The following PMEPA1 variants were observed in gnomAD, a reference collection of about 807,000 sequenced individuals.
PMEPA1 encodes protein TMEPAI.
PMEPA1 carries 11 observed loss-of-function variants against 23.0 expected under a neutral mutation model. That is an observed-to-expected ratio of 0.48 (90% confidence interval 0.30 to 0.79). The LOEUF (loss-of-function observed/expected upper bound fraction) is 0.79. Ranked by LOEUF, PMEPA1 falls within the 30% of genes least tolerant of loss-of-function variation. The probability of loss-of-function intolerance (pLI) is 0.06; values close to 1 mark genes in which losing one functional copy is unlikely to be tolerated. For synonymous variants in PMEPA1, 204 were observed against 166.4 expected (o/e 1.23, Z -1.74); for missense variants, 377 against 390.9 (o/e 0.96, Z 0.30).
At chr20:57,664,284 C>G (rs1218889790) in intron 1 of PMEPA1, among the ~76,000 whole-genome samples, 1 of 152,212 alleles carries the variant, frequency 6.6e-6, no homozygotes. Context: ...CCCACACCAC[C>G]CCAGGGATGC....
At chr20:57,666,139 T>C (rs1266517494) in intron 1 of PMEPA1, among the ~76,000 whole-genome samples, 2 of 152,124 alleles carry the variant, frequency 1.3e-5, no homozygotes, top group Non-Finnish European at 2.9e-5. Context: ...TCTAATTTAA[T>C]TTAGTGTCCT....
intron 1 of PMEPA1, among the ~76,000 whole-genome samples, chr20:57,692,533 A>AG (rs3838933): frequency 0.37 from 55,711 of 152,210 alleles, 11,858 homozygotes; most frequent in Non-Finnish European, 0.48. Context: ...GCTCCTTCCA[A>AG]GGGCCCAGGT....
At chr20:57,708,203 CG>C (rs1473097559) in intron 1 of PMEPA1, among the ~76,000 whole-genome samples, 4 of 152,360 alleles carry the variant, frequency 2.6e-5, no homozygotes, top group South Asian at 4.1e-4. Context: ...CATTCCACAG[CG>C]GCTGCTTCTC....
At chr20:57,672,806 G>A (rs1343251702) in intron 1 of PMEPA1, among the ~76,000 whole-genome samples, 1 of 152,166 alleles carries the variant, frequency 6.6e-6, no homozygotes, top group Non-Finnish European at 1.5e-5. Flanking sequence ...CGGTTAAAAG[G>A]AATCCTGGCG....
Position 57,651,956 on chromosome 20 carries a change from T to G in PMEPA1, c.*97A>C. On this transcript the variant is annotated 3_prime_UTR_variant, in exon 4 of 4. Coordinates refer to ENST00000341744, the MANE Select transcript of PMEPA1 (RefSeq NM_020182.5). ...GGGAGGGGAGGGCCACACGATGCGT[T>G]GCTGCGCCCCCCGCCTTCCTCTCAC... is the stretch of plus-strand genomic sequence containing the variant. 1 of 1,048,552 alleles carries G rather than the reference T, an allele frequency of 9.5e-7. No individual in the cohort carries two copies. Among genetic ancestry groups the G allele is most frequent in the East Asian group, 2.7e-5 (1 of 36,428 alleles). The allele number at this position is 1,048,552 out of a possible 1,614,324, so 65.0% of individuals were successfully genotyped here. A position where few individuals can be genotyped will look rare whatever the true frequency, so the allele number is the denominator to read the frequency against.
At chr20:57,710,630 G>A (rs1052572336), upstream of PMEPA1, 31 of 642,284 alleles carry the variant, frequency 4.8e-5, no homozygotes, top group Non-Finnish European at 7.3e-5. Flanking sequence ...TAGCTGTCGG[G>A]GACTGGTGTA....
intron 1 of PMEPA1, among the ~76,000 whole-genome samples, chr20:57,660,772 A>G (rs2146648536): frequency 6.7e-6 from 1 of 148,596 alleles, no homozygotes; most frequent in East Asian, 2.0e-4. Context: ...TCCACACACA[A>G]CACCCCAACA....
chr20:57,708,555 T>C (rs766504079), intron 1 of PMEPA1, among the ~76,000 whole-genome samples: 1 of 152,306 alleles, frequency 6.6e-6, no homozygotes, highest in South Asian at 2.1e-4. Context: ...TGATCCCTTA[T>C]TTAGGGCCAG....
In PMEPA1 at chr20:57,690,726, C is replaced by T. The variant is rs547343132; in HGVS notation, c.109+18748G>A. ...CTTCTTCTGAGTTTTGTAAGTGACACGCCCAGCCGACCCCCACCTGCCGGA... is the reference window on the plus strand; with the variant it reads ...CTTCTTCTGAGTTTTGTAAGTGACATGCCCAGCCGACCCCCACCTGCCGGA... On this transcript the variant is annotated intron_variant, in intron 1 of 3. Coordinates refer to ENST00000341744, the MANE Select transcript of PMEPA1 (RefSeq NM_020182.5). The T allele has an allele frequency of 4.1e-4, 178 of 438,284 alleles. 1 individual carries two copies. Among genetic ancestry groups the T allele is most frequent in the South Asian group, 3.6e-3 (132 of 36,436 alleles). 27.1% of individuals were successfully genotyped at this position (438,284 alleles called of 1,614,324 possible).
chr20:57,667,710 A>G lies in PMEPA1; in HGVS notation c.110-8013T>C, dbSNP rs1048949620. On this transcript the variant is annotated intron_variant, in intron 1 of 3. Transcript: ENST00000341744. Reference sequence around the variant, plus strand: ...AAATTTATGAAAATCTAATCTTGTTAGGCCTGCCTGGATGAGACCCGCCTG... The same window carrying G: ...AAATTTATGAAAATCTAATCTTGTTGGGCCTGCCTGGATGAGACCCGCCTG... Among the ~76,000 whole-genome samples the G allele has an allele frequency of 3.3e-5, 5 of 152,230 alleles. No homozygotes were observed. The South Asian group carries it at 1.0e-3, about 31-fold the overall frequency.
At chr20:57,697,005 C>T (rs1463223058) in intron 1 of PMEPA1, among the ~76,000 whole-genome samples, 2 of 152,222 alleles carry the variant, frequency 1.3e-5, no homozygotes, top group Non-Finnish European at 2.9e-5. Context: ...TGCTGCTTCA[C>T]TGAAGTGTGG....
In PMEPA1 at chr20:57,658,375, G is replaced by A. The variant is rs534006298; in HGVS notation, c.264+1168C>T. 6.6e-5 allele frequency among the ~76,000 whole-genome samples: 10 copies of A among 152,258 alleles called. No individual in the cohort carries two copies. In the Middle Eastern group the frequency reaches 0.01, roughly 155 times the overall value. ...CAGCTCGCCCCAACTTCCTGGCCAC[G>A]GCCCTCGGCTTCCTTCATCCGTGCA... On this transcript the variant is annotated intron_variant, in intron 2 of 3. Transcript: ENST00000341744.
chr20:57,652,939 G>A lies in PMEPA1; in HGVS notation c.318+94C>T. On this transcript the variant is annotated intron_variant, in intron 3 of 3. Transcript: ENST00000341744. The surrounding 1 kb of genome is among the most constrained non-coding windows in gnomAD (Gnocchi z 6.1). Reference sequence around the variant, plus strand: ...AGGGCACTGCAGAGGAGGGCGGAGGGGTGAGCCTTTAGCAGCCCACACTGT... The same window carrying A: ...AGGGCACTGCAGAGGAGGGCGGAGGAGTGAGCCTTTAGCAGCCCACACTGT... 1.9e-6 allele frequency: 2 copies of A among 1,042,828 alleles called. No homozygotes were observed. Among genetic ancestry groups the A allele is most frequent in the South Asian group, 1.3e-5 (1 of 74,312 alleles). The allele number at this position is 1,042,828 out of a possible 1,614,324, so 64.6% of individuals were successfully genotyped here.
intron 1 of PMEPA1, among the ~76,000 whole-genome samples, chr20:57,679,553 G>A (rs868609479): frequency 1.3e-5 from 2 of 152,230 alleles, no homozygotes; most frequent in Non-Finnish European, 2.9e-5. Flanking sequence ...GTTCAGTGGC[G>A]GGTTCCGGGA....
chr20:57,659,197 C>T (rs1406121252), intron 2 of PMEPA1, among the ~76,000 whole-genome samples: 1 of 152,234 alleles, frequency 6.6e-6, no homozygotes, highest in Non-Finnish European at 1.5e-5. Context: ...GGAACGTCAG[C>T]TCCATGACAG....
Position 57,682,695 on chromosome 20 carries a change from A to C in PMEPA1, c.110-22998T>G, listed in dbSNP as rs2071736638. ...CTGAAACAGCACCCACTCCCTGTCA[A>C]GTCTGTGTCCCCATCGCCAGCAGAA... On this transcript the variant is annotated intron_variant, in intron 1 of 3. Transcript: ENST00000341744. This position sits in a 1 kb window ranked among gnomAD's most constrained non-coding sequence, Gnocchi z 4.4. Among the ~76,000 whole-genome samples the C allele has an allele frequency of 6.6e-6, 1 of 152,208 alleles. No homozygotes were observed. The highest frequency in any genetic ancestry group is 2.1e-4 in the South Asian group (1 of 4,838).
chr20:57,704,553 G>A lies in PMEPA1; in HGVS notation c.109+4921C>T, dbSNP rs897227662. ...AGCAGCACAGCCTCCGAAATTCACC[G>A]TGTAAGAGTTCCTTCTCTTTGGGCA... On this transcript the variant is annotated intron_variant, in intron 1 of 3. Coordinates refer to ENST00000341744, the MANE Select transcript of PMEPA1 (RefSeq NM_020182.5). This position sits in a 1 kb window ranked among gnomAD's most constrained non-coding sequence, Gnocchi z 4.6. 5.9e-5 allele frequency among the ~76,000 whole-genome samples: 9 copies of A among 152,218 alleles called. No homozygotes were observed. The highest frequency in any genetic ancestry group is 1.2e-4 in the African/African-American group (5 of 41,452).
chr20:57,693,528 G>A (rs2071909327), intron 1 of PMEPA1, among the ~76,000 whole-genome samples: 1 of 152,190 alleles, frequency 6.6e-6, no homozygotes, highest in Admixed American at 6.5e-5. Context: ...GCCAGCAGGT[G>A]GCAGGTGTAA....
At chr20:57,688,280 G>T (rs2071828325) in intron 1 of PMEPA1, among the ~76,000 whole-genome samples, 1 of 152,122 alleles carries the variant, frequency 6.6e-6, no homozygotes, top group South Asian at 2.1e-4. Context: ...GGTGTCTGGG[G>T]CCTGGATTGA....
Sources: allele counts gnomAD v4.1 joint callset (sites outside exome capture counted in the v4.1 genomes callset), GRCh38; gene constraint gnomAD v4.1.1; non-coding constraint Gnocchi (gnomAD v3.1); transcripts MANE v1.5; gene names NCBI Gene and HGNC (gene_info 2026-07-23, HGNC 2026-07-21).